The following SMTN variants were observed in gnomAD, a reference collection of about 807,000 sequenced individuals.
SMTN encodes the protein smoothelin.
Under a neutral mutation model 102.0 loss-of-function variants are expected in SMTN, and 58 were observed. That is an observed-to-expected ratio of 0.57 (90% CI 0.46 to 0.71). The LOEUF (loss-of-function observed/expected upper bound fraction) is 0.71, where lower values mean the gene tolerates loss of function less well. SMTN is among the 30% of genes least tolerant of loss of function. The pLI is 0.00. For missense variants in SMTN, 1,185 were observed against 1,241.7 expected (o/e 0.95, Z 0.69); for synonymous variants, 478 against 497.9 (o/e 0.96, Z 0.53).
chr22:31,083,893 C>T lies in SMTN; in HGVS notation c.51+584C>T, dbSNP rs144920353. ...GAGTCCTGGGAAAGTCAAGGCTGGA[C>T]GAGGCCATAAGAGAGAGACAGGTTT... On this transcript the variant is annotated intron_variant, in intron 2 of 20. Transcript: ENST00000333137. Among the ~76,000 whole-genome samples, 391 of 152,322 alleles carry T rather than the reference C, an allele frequency of 2.6e-3. 1 individual carries two copies. In the Middle Eastern group the frequency reaches 0.037, roughly 15 times the overall value.
At chr22:31,085,326 G>A (rs762322953) in intron 2 of SMTN, 71 of 1,470,838 alleles carry the variant, frequency 4.8e-5, no homozygotes, top group Non-Finnish European at 5.9e-5. Context: ...TGCGAGGGAG[G>A]GCGGTCGCAG....
chr22:31,082,969 G>A, intron 1 of SMTN: 2 of 1,476,716 alleles, frequency 1.4e-6, no homozygotes, highest in Non-Finnish European at 9.3e-7. Flanking sequence ...CAAGCTGGCA[G>A]GGCTGGAACC....
chr22:31,079,280 A>C (rs985768139), upstream of SMTN, among the ~76,000 whole-genome samples: 4 of 152,220 alleles, frequency 2.6e-5, no homozygotes, highest in Admixed American at 2.6e-4. Context: ...CCTTGCAGAG[A>C]GGAAGACAGA....
At chr22:31,081,566 C>T (rs2042309442) in intron 1 of SMTN, 110 bp downstream of exon 1, 1 of 152,328 alleles carries the variant, frequency 6.6e-6, no homozygotes, top group Admixed American at 6.5e-5. Flanking sequence ...GGAGCCCCCA[C>T]CCATACGAGA....
chr22:31,088,376 T>C, intron 3 of SMTN, 137 bp from the exon 4 acceptor site: 1 of 811,738 alleles, frequency 1.2e-6, no homozygotes, highest in East Asian at 2.4e-5. Context: ...TGTGTATCAG[T>C]GTGCAGTTAG....
In SMTN at chr22:31,101,079, C is replaced by T. The variant is rs750132065; in HGVS notation, c.*20+30C>T. The stretch of plus-strand genomic sequence containing the variant: ...GAAACGCCGCCTCTACCACCTGCCC[C>T]GTTTCACCAGAATCTGCTCAGCAAG... On this transcript the variant is annotated intron_variant, in intron 20 of 20. Coordinates refer to ENST00000333137, the MANE Select transcript of SMTN (RefSeq NM_134269.3). 12 of 1,561,756 alleles carry T rather than the reference C, an allele frequency of 7.7e-6. No homozygotes were observed. The East Asian group carries it at 1.2e-4, about 15-fold the overall frequency.
At chr22:31,098,459 G>A (rs1365865627) in intron 16 of SMTN, among the ~76,000 whole-genome samples, 2 of 152,084 alleles carry the variant, frequency 1.3e-5, no homozygotes, top group African/African-American at 4.8e-5. Flanking sequence ...AGGGGGAGGC[G>A]GAAACCTGTT....
intron 18 of SMTN, chr22:31,099,528 C>T (rs1602675085): frequency 2.2e-5 from 13 of 598,204 alleles, no homozygotes; most frequent in South Asian, 6.2e-5. Flanking sequence ...AGCTGGGTGG[C>T]GCTGGGCCTC....
intron 1 of SMTN, among the ~76,000 whole-genome samples, chr22:31,069,288 G>A (rs528774071): frequency 2.0e-5 from 3 of 152,082 alleles, no homozygotes; most frequent in Admixed American, 6.5e-5. Context: ...GGCCACTCTC[G>A]CTTCAAAGTC....
chr22:31,081,220 G>A (rs2042284802), upstream of SMTN: 1 of 152,124 alleles, frequency 6.6e-6, no homozygotes, highest in Non-Finnish European at 1.5e-5. Context: ...TTCCCAATGG[G>A]GCACGAGAGT....
Position 31,099,022 on chromosome 22 carries a change from CTTA to C in SMTN, c.2334-38_2334-36del, listed in dbSNP as rs1390817443. ...TGGGTGGGCCCACCGAGGCATGCCC[CTTA>C]TAGTCGTGTGACCTGGTCCTGACAC... On this transcript the variant is annotated intron_variant, in intron 17 of 20. Coordinates refer to ENST00000333137, the MANE Select transcript of SMTN (RefSeq NM_134269.3). The C allele has an allele frequency of 6.9e-6, 11 of 1,585,930 alleles. 1 individual carries two copies. The Admixed American group carries it at 1.5e-4, about 22-fold the overall frequency.
chr22:31,072,721 C>G (rs1252887312), intron 1 of SMTN, among the ~76,000 whole-genome samples: 5 of 152,202 alleles, frequency 3.3e-5, no homozygotes, highest in Non-Finnish European at 5.9e-5. Flanking sequence ...CTCAGCCCCC[C>G]AGAGTGCTGG....
intron 2 of SMTN, chr22:31,085,351 C>A (rs1474205125): frequency 1.4e-6 from 2 of 1,389,650 alleles, no homozygotes; most frequent in Non-Finnish European, 1.9e-6. Flanking sequence ...TGCGGGCCTT[C>A]AGCGCCCCCT....
intron 1 of SMTN, chr22:31,082,889 C>T: frequency 6.5e-7 from 1 of 1,546,470 alleles, no homozygotes; most frequent in South Asian, 1.2e-5. Context: ...CAATCCAGGT[C>T]CCTGCCCTCC....
At chr22:31,081,839 C>G (rs1465485032) in intron 1 of SMTN, among the ~76,000 whole-genome samples, 2 of 152,208 alleles carry the variant, frequency 1.3e-5, no homozygotes, top group Non-Finnish European at 2.9e-5. Context: ...CATAGAAGAA[C>G]AGACATGGGG....
chr22:31,084,088 G>A (rs1027785855), intron 2 of SMTN, among the ~76,000 whole-genome samples: 12 of 152,320 alleles, frequency 7.9e-5, no homozygotes, highest in East Asian at 1.9e-4. Context: ...CTCAGGTGGA[G>A]GAAAGATGAG....
At chr22:31,089,591 C>A in intron 6 of SMTN, 108 bp from the exon 7 acceptor site, 1 of 1,044,716 alleles carries the variant, frequency 9.6e-7, no homozygotes, top group African/African-American at 1.6e-5. Flanking sequence ...TGCCCCACCA[C>A]TCTGCTTTGC....
In SMTN at chr22:31,091,097, C is replaced by T; in HGVS notation, c.1074C>T (p.Pro358=). 1 of 1,614,046 alleles carries T rather than the reference C, an allele frequency of 6.2e-7. No individual in the cohort carries two copies. The highest frequency in any genetic ancestry group is 1.1e-5 in the South Asian group (1 of 91,072). The change falls in exon 10 of 21, where the codon CCC becomes CCT. Residue 358 remains proline, a synonymous_variant. Coordinates refer to ENST00000333137, the MANE Select transcript of SMTN (RefSeq NM_134269.3). ...QDGTPQAALS[P]LTPARLLGPS... is the part of the protein sequence containing the mutation. ...GCACACCCCAGGCTGCCCTAAGTCC[C>T]CTGACCCCCGCAAGGCTCCTGGGCC...
chr22:31,091,400 C>T lies in SMTN; in HGVS notation c.1377C>T (p.Thr459=), dbSNP rs1405702377. Residue 459 remains threonine, a synonymous_variant, in exon 10 of 21, where the codon ACC becomes ACT. Coordinates refer to ENST00000333137, the MANE Select transcript of SMTN (RefSeq NM_134269.3). ...GTAEPGGSMK[T]TFTIEIKDGR... is the part of the protein sequence containing the mutation. ...CCGAGCCAGGGGGCAGTATGAAGAC[C>T]ACATTCACCATCGAGATCAAGGACG... The T allele has an allele frequency of 6.3e-7, 1 of 1,582,188 alleles. No homozygotes were observed. Among genetic ancestry groups the T allele is most frequent in the Non-Finnish European group, 8.6e-7 (1 of 1,169,226 alleles).
Sources: gnomAD v4.1 joint callset for allele counts (sites outside exome capture counted in the v4.1 genomes callset) on GRCh38, gnomAD v4.1.1 for gene constraint, MANE v1.5 for transcripts, NCBI Gene and HGNC (gene_info 2026-07-23, HGNC 2026-07-21) for gene names.